The following CFAP95 variants were observed in gnomAD, a reference collection of about 807,000 sequenced individuals.
CFAP95 encodes the protein cilia- and flagella-associated protein 95.
the CFAP95 span, among the ~76,000 whole-genome samples, chr9:69,854,091 T>C: frequency 1.3e-5 from 2 of 152,204 alleles, no homozygotes; most frequent in East Asian, 3.8e-4. Flanking sequence ...GAAGAAGGAA[T>C]GTCTAATATT....
At chr9:69,867,432 T>G in the CFAP95 span, among the ~76,000 whole-genome samples, 1 of 152,162 alleles carries the variant, frequency 6.6e-6, no homozygotes, top group African/African-American at 2.4e-5. Context: ...TCTGTAGTTT[T>G]GGGTGTGCTC....
At chr9:69,859,338 T>C in the CFAP95 span, among the ~76,000 whole-genome samples, 2 of 152,116 alleles carry the variant, frequency 1.3e-5, no homozygotes, top group African/African-American at 4.8e-5. Context: ...TTTGTTTTTA[T>C]AGGATCTTTT....
chr9:69,873,312 T>G, the CFAP95 span, among the ~76,000 whole-genome samples: 1,636 of 152,210 alleles, frequency 0.011, 30 homozygotes, highest in African/African-American at 0.038. Context: ...GATAAAAAAA[T>G]AAGCCTGGCA....
At chr9:69,904,546 G>A in the CFAP95 span, among the ~76,000 whole-genome samples, 1,808 of 152,178 alleles carry the variant, frequency 0.012, 17 homozygotes, top group Non-Finnish European at 0.018. Context: ...TCCTAGAACA[G>A]CACATTTCAT....
chr9:69,861,099 C>T, the CFAP95 span, among the ~76,000 whole-genome samples: 5,068 of 152,294 alleles, frequency 0.033, 124 homozygotes, highest in East Asian at 0.096. Flanking sequence ...ATTGTATATG[C>T]TCCACTTTTA....
chr9:69,821,432 C>CA, the CFAP95 span, among the ~76,000 whole-genome samples: 20,602 of 152,064 alleles, frequency 0.14, 1,502 homozygotes, highest in East Asian at 0.27. Flanking sequence ...CTCATTCACA[C>CA]AGAGCGGGTG....
At chr9:69,906,179 A>G in the CFAP95 span, 1 of 1,450,578 alleles carries the variant, frequency 6.9e-7, no homozygotes, top group South Asian at 1.4e-5. Flanking sequence ...TGAAAAATGG[A>G]TGTAGCAGTT....
chr9:69,842,818 C>T, the CFAP95 span, among the ~76,000 whole-genome samples: 1 of 152,184 alleles, frequency 6.6e-6, no homozygotes, highest in Non-Finnish European at 1.5e-5. Flanking sequence ...CTTTGATGCT[C>T]AGATGTGAGG....
At chr9:69,852,159 GTA>G in the CFAP95 span, among the ~76,000 whole-genome samples, 32 of 148,420 alleles carry the variant, frequency 2.2e-4, no homozygotes, top group Admixed American at 2.7e-4. Context: ...TCAAGCCTTT[GTA>G]TATATTTTTT....
At chr9:69,840,565 A>G in the CFAP95 span, among the ~76,000 whole-genome samples, 2 of 152,238 alleles carry the variant, frequency 1.3e-5, no homozygotes, top group African/African-American at 4.8e-5. Flanking sequence ...AACATAATAA[A>G]GTCAGAGAAT....
chr9:69,829,161 A>G, the CFAP95 span, among the ~76,000 whole-genome samples: 1 of 152,206 alleles, frequency 6.6e-6, no homozygotes, highest in Non-Finnish European at 1.5e-5. Context: ...CTAGTCCTAC[A>G]TTCTCATTCC....
At chr9:69,885,999 G>C in the CFAP95 span, among the ~76,000 whole-genome samples, 3 of 152,152 alleles carry the variant, frequency 2.0e-5, no homozygotes, top group Non-Finnish European at 4.4e-5. Flanking sequence ...TTTCAGAAAT[G>C]AACAATTTGT....
At chr9:69,888,091 C>G in the CFAP95 span, among the ~76,000 whole-genome samples, 1 of 152,122 alleles carries the variant, frequency 6.6e-6, no homozygotes, top group Non-Finnish European at 1.5e-5. Flanking sequence ...GAAAACTAAA[C>G]TAACTATAAA....
chr9:69,834,820 C>T, the CFAP95 span, among the ~76,000 whole-genome samples: 42,682 of 152,022 alleles, frequency 0.28, 6,648 homozygotes, highest in South Asian at 0.36. Context: ...CAGCATGAGA[C>T]ACATAGAAAA....
chr9:69,892,432 G>A, the CFAP95 span, among the ~76,000 whole-genome samples: 1 of 152,138 alleles, frequency 6.6e-6, no homozygotes, highest in Non-Finnish European at 1.5e-5. Flanking sequence ...GGGCATGCAG[G>A]AATTACCATT....
the CFAP95 span, among the ~76,000 whole-genome samples, chr9:69,883,858 ATTG>A: frequency 1.3e-5 from 2 of 149,460 alleles, no homozygotes; most frequent in Non-Finnish European, 3.0e-5. Context: ...ATTCTTTTGT[ATTG>A]TTTTCTTCAT....
chr9:69,848,393 C>T, the CFAP95 span, among the ~76,000 whole-genome samples: 11 of 152,068 alleles, frequency 7.2e-5, no homozygotes, highest in East Asian at 5.8e-4. Context: ...TTCCAGGAGC[C>T]GAGGCAAGAC....
chr9:69,845,452 G>A, the CFAP95 span, among the ~76,000 whole-genome samples: 37 of 152,106 alleles, frequency 2.4e-4, 1 homozygote, highest in Non-Finnish European at 2.1e-4. Flanking sequence ...TTCTGCCCCC[G>A]CCCCCCAAGG....
At chr9:69,840,076 T>TA in the CFAP95 span, among the ~76,000 whole-genome samples, 15,343 of 139,958 alleles carry the variant, frequency 0.11, 837 homozygotes, top group South Asian at 0.19. Context: ...AAACTTCATG[T>TA]AAAAAAAAAA....
Sources: allele counts gnomAD v4.1 joint callset (sites outside exome capture counted in the v4.1 genomes callset), GRCh38; gene constraint gnomAD v4.1.1; transcripts MANE v1.5; gene names NCBI Gene and HGNC (gene_info 2026-07-23, HGNC 2026-07-21).